Variants in FBXL4 observed in about 807,000 individuals in gnomAD.
FBXL4 encodes the protein F-box and leucine rich repeat protein 4.
A neutral mutation model predicts 58.9 loss-of-function variants in FBXL4; 40 were observed. The observed-to-expected ratio is 0.68, with a 90% confidence interval of 0.53 to 0.88. FBXL4 has a LOEUF of 0.88. FBXL4 is among the 40% of genes least tolerant of loss of function. FBXL4 has a pLI of 0.00. For missense variants in FBXL4, 676 were observed against 734.4 expected, an observed-to-expected ratio of 0.92 and a Z score of 0.92; for synonymous variants, 263 against 265.5, an observed-to-expected ratio of 0.99 and a Z score of 0.09.
chr6:98,907,187 A>G (rs1342223588), intron 5 of FBXL4, among the ~76,000 whole-genome samples: 1 of 152,200 alleles, frequency 6.6e-6, no homozygotes, highest in East Asian at 1.9e-4. Flanking sequence ...AAACCAGGTG[A>G]AAAGAGAGTC....
rs749992904 is a variant in FBXL4, at chr6:98,875,721, C to G, written c.1396G>C (p.Asp466His). The change falls in exon 9 of 10, where the codon GAC (aspartate) becomes CAC (histidine). Residue 466 changes from aspartate (D) to histidine (H), a missense_variant. By Grantham distance (81) the Asp-to-His change is moderately conservative. Transcript: ENST00000369244. ...LSLGSCVMIE[D>H]YDVIASMIGA... ...ATCATGCTAGCTATCACATCATAGT[C>G]TTCAATCTGGAAATCAAATAATTCC... 6.2e-7 allele frequency: 1 copy of G among 1,613,216 alleles called. No homozygotes were observed. The highest frequency in any genetic ancestry group is 1.1e-5 in the South Asian group (1 of 91,070).
At chr6:98,903,689 T>G (rs1771697725) in intron 6 of FBXL4, among the ~76,000 whole-genome samples, 1 of 152,182 alleles carries the variant, frequency 6.6e-6, no homozygotes. Flanking sequence ...AGAAGCTGCA[T>G]AAAGTTTTTA....
intron 7 of FBXL4, among the ~76,000 whole-genome samples, chr6:98,885,077 A>G (rs9375750): frequency 0.16 from 24,277 of 152,188 alleles, 2,335 homozygotes; most frequent in East Asian, 0.47. Flanking sequence ...GCCATGGGGT[A>G]CCCAGATATT....
chr6:98,879,696 TATGGTGAAACCCAAGACCAGCCTGCC>T (rs753565865), intron 8 of FBXL4, among the ~76,000 whole-genome samples: 7,462 of 151,778 alleles, frequency 0.049, 251 homozygotes, highest in Middle Eastern at 0.12. Flanking sequence ...GCCTACCCAA[TATGGTGAAACCCAAGACCAGCCTGCC>T]CAATATGGTG....
At chr6:98,913,942 G>A (rs937250092) in intron 5 of FBXL4, among the ~76,000 whole-genome samples, 2 of 150,616 alleles carry the variant, frequency 1.3e-5, no homozygotes, top group Non-Finnish European at 3.0e-5. Flanking sequence ...GAAAAAAAGA[G>A]AGAAGAATCA....
Position 98,870,708 on chromosome 6 carries a change from G to A in FBXL4, c.*3570C>T, listed in dbSNP as rs1170329395. On this transcript the variant is annotated 3_prime_UTR_variant, in exon 10 of 10. Transcript: ENST00000369244. Reference sequence around the variant, plus strand: ...GAAGTGACATTTTTAAGGCACATTAGTATATGAATTTTTAAAAATCAGATT... The same window carrying A: ...GAAGTGACATTTTTAAGGCACATTAATATATGAATTTTTAAAAATCAGATT... The A allele has an allele frequency of 2.6e-5, 4 of 152,164 alleles. No homozygotes were observed. Among genetic ancestry groups the A allele is most frequent in the African/African-American group, 9.7e-5 (4 of 41,444 alleles). 9.4% of individuals were successfully genotyped at this position (152,164 alleles called of 1,614,324 possible).
At chr6:98,929,571 C>CAAA (rs1169039097) in intron 2 of FBXL4, among the ~76,000 whole-genome samples, 1 of 90,726 alleles carries the variant, frequency 1.1e-5, no homozygotes, top group African/African-American at 3.9e-5. Context: ...AACTCCGTCT[C>CAAA]AAAAAAAAAA....
In FBXL4 at chr6:98,927,063, A is replaced by C; in HGVS notation, c.-72-3T>G. 7.0e-7 allele frequency: 1 copy of C among 1,421,804 alleles called. No homozygotes were observed. Among genetic ancestry groups the C allele is most frequent in the Non-Finnish European group, 9.6e-7 (1 of 1,044,702 alleles). 88.1% of individuals were successfully genotyped at this position (1,421,804 alleles called of 1,614,324 possible). A position where few individuals can be genotyped will look rare whatever the true frequency, so the allele number is the denominator to read the frequency against. On this transcript the variant is annotated splice_polypyrimidine_tract_variant and splice_region_variant and intron_variant, in intron 3 of 9. Transcript: ENST00000369244. ...GCATGAACTCTTTGAAGGATGTTCT[A>C]AAAAAATGAATGGCTTGGTGAAGTA... is the stretch of plus-strand genomic sequence containing the variant.
Position 98,926,983 on chromosome 6 carries a change from T to C in FBXL4, c.6A>G (p.Ser2=), listed in dbSNP as rs751232704. Residue 2 remains serine (S), a synonymous_variant, in exon 4 of 10, where the codon TCA becomes TCG. Coordinates refer to ENST00000369244, the MANE Select transcript of FBXL4 (RefSeq NM_001278716.2). ...GAACTGTTAACATGGGAAAGACCGG[T>C]GACATCTAGATGTGAATTATGAAGC... M[S]PVFPMLTVLT... is the part of the protein sequence containing the mutation. 1.9e-6 allele frequency: 3 copies of C among 1,613,464 alleles called. No individual in the cohort carries two copies. The highest frequency in any genetic ancestry group is 2.5e-6 in the Non-Finnish European group (3 of 1,179,638).
At position 98,880,585 on chromosome 6, in the gene FBXL4, G is replaced by A. The variant is rs1562216886; in HGVS notation, c.1357C>T (p.Leu453Phe). The A allele has an allele frequency of 1.9e-6, 3 of 1,613,930 alleles. No homozygotes were observed. Among genetic ancestry groups the A allele is most frequent in the Non-Finnish European group, 2.5e-6 (3 of 1,179,886 alleles). Residue 453 changes from leucine (L) to phenylalanine (F), a missense_variant, in exon 8 of 10, where the codon CTT becomes TTT. By Grantham distance (22) the Leu-to-Phe change is conservative. Transcript: ENST00000369244. ...CAACTGCCTAAACTGAGGTGCTGAA[G>A]CTCTGAACAGAAGTTCAAAATGCTG... ...LLSILNFCSE[L>F]QHLSLGSCVM... is the part of the protein sequence containing the mutation.
At chr6:98,883,533 A>T (rs195849) in intron 7 of FBXL4, among the ~76,000 whole-genome samples, 24,042 of 151,342 alleles carry the variant, frequency 0.16, 2,187 homozygotes, top group African/African-American at 0.25. Context: ...CTTTTTTTTT[A>T]AAATCAGAGT....
chr6:98,870,245 C>T lies in FBXL4; in HGVS notation c.*4033G>A, dbSNP rs1283529502. 1 of 152,170 alleles carries T rather than the reference C, an allele frequency of 6.6e-6. No homozygotes were observed. The highest frequency in any genetic ancestry group is 1.5e-5 in the Non-Finnish European group (1 of 68,040). The allele number at this position is 152,170 out of a possible 1,614,324, so 9.4% of individuals were successfully genotyped here. ...GAATGGGCAAACATGGATTAACTGA[C>T]TCGAAAATACTCTGGAATAGGGGTC... On this transcript the variant is annotated 3_prime_UTR_variant, in exon 10 of 10. Transcript: ENST00000369244.
At chr6:98,946,539 G>A (rs1773624903) in intron 1 of FBXL4, among the ~76,000 whole-genome samples, 1 of 152,148 alleles carries the variant, frequency 6.6e-6, no homozygotes, top group Non-Finnish European at 1.5e-5. Flanking sequence ...GACCATATGT[G>A]CAAGTACCAT....
chr6:98,910,718 C>T (rs190301647), intron 5 of FBXL4, among the ~76,000 whole-genome samples: 2,396 of 151,856 alleles, frequency 0.016, 30 homozygotes, highest in Non-Finnish European at 0.022. Flanking sequence ...CGAATAGGAA[C>T]AGCTCGAGTC....
chr6:98,875,855 T>A (rs1366548877), intron 8 of FBXL4, 128 bp from the exon 9 acceptor site: 1 of 887,090 alleles, frequency 1.1e-6, no homozygotes, highest in Non-Finnish European at 1.7e-6. Context: ...TCCTTGTTAA[T>A]ACAGATCTGC....
chr6:98,926,982 G>A lies in FBXL4; in HGVS notation c.7C>T (p.Pro3Ser), dbSNP rs766089252. 3 of 1,613,566 alleles carry A rather than the reference G, an allele frequency of 1.9e-6. No homozygotes were observed. Among genetic ancestry groups the A allele is most frequent in the Admixed American group, 1.7e-5 (1 of 59,976 alleles). The change falls in exon 4 of 10, where the codon CCG becomes TCG. Residue 3 changes from proline (P) to serine (S), a missense_variant. Pro to Ser is a moderately conservative substitution (Grantham distance 74, BLOSUM62 -1). Transcript: ENST00000369244. MSPVFPMLTVLTM... is the reference protein window; with the variant it reads MSSVFPMLTVLTM... ...AGAACTGTTAACATGGGAAAGACCGGTGACATCTAGATGTGAATTATGAAG... is the reference window on the plus strand; with the variant it reads ...AGAACTGTTAACATGGGAAAGACCGATGACATCTAGATGTGAATTATGAAG...
At chr6:98,927,477 C>T (rs925911053) in intron 3 of FBXL4, among the ~76,000 whole-genome samples, 8 of 151,966 alleles carry the variant, frequency 5.3e-5, no homozygotes, top group African/African-American at 1.9e-4. Flanking sequence ...ACAAAAATTC[C>T]CTACTGTTAA....
intron 2 of FBXL4, among the ~76,000 whole-genome samples, chr6:98,933,137 G>C (rs1773076008): frequency 6.6e-6 from 1 of 152,134 alleles, no homozygotes; most frequent in East Asian, 1.9e-4. Context: ...GGAGAAAAGA[G>C]GGGAATGATA....
intron 8 of FBXL4, among the ~76,000 whole-genome samples, chr6:98,878,006 G>T (rs1198021782): frequency 6.6e-6 from 1 of 152,318 alleles, no homozygotes; most frequent in East Asian, 1.9e-4. Flanking sequence ...TCTTGTCACT[G>T]CAAATCTGTC....
Sources: gnomAD v4.1 joint callset for allele counts (sites outside exome capture counted in the v4.1 genomes callset) on GRCh38, gnomAD v4.1.1 for gene constraint, MANE v1.5 for transcripts, NCBI Gene and HGNC (gene_info 2026-07-23, HGNC 2026-07-21) for gene names.